FAM237A: variants seen among roughly 807,000 people sequenced by gnomAD.
FAM237A encodes protein FAM237A.
FAM237A carries 14 observed loss-of-function variants against 12.5 expected under a neutral mutation model. The observed-to-expected ratio is 1.12, with a 90% CI of 0.74 to 1.75. The LOEUF (loss-of-function observed/expected upper bound fraction) is 1.75. Ranked by LOEUF, FAM237A falls within the 40% of genes most tolerant of loss-of-function variation. The pLI is 0.00. For missense variants in FAM237A, 240 were observed against 211.7 expected, an observed-to-expected ratio of 1.13 and a Z score of -0.83; for synonymous variants, 85 against 77.5, an observed-to-expected ratio of 1.10 and a Z score of -0.51.
chr2:206,643,821 T>C lies in FAM237A; in HGVS notation c.-10-406T>C, dbSNP rs538520685. ...AAATATATTTAAATTCTTAATTATA[T>C]ATAAGTCCTAGATTAGGAGAGCCAG... On this transcript the variant is annotated intron_variant, in intron 1 of 2. Coordinates refer to ENST00000441223, the MANE Select transcript of FAM237A (RefSeq NM_001102659.3). Among the ~76,000 whole-genome samples, 7 of 152,328 alleles carry C rather than the reference T, an allele frequency of 4.6e-5. No individual in the cohort carries two copies. In the East Asian group the frequency reaches 1.3e-3, roughly 29 times the overall value.
chr2:206,648,564 G>A, intron 2 of FAM237A, 97 bp from the exon 3 acceptor site: 1 of 1,259,632 alleles, frequency 7.9e-7, no homozygotes, highest in Non-Finnish European at 1.1e-6. Context: ...TGGAGTGGCA[G>A]AAACATCAAA....
At chr2:206,647,162 G>A (rs559823270) in intron 2 of FAM237A, among the ~76,000 whole-genome samples, 20 of 152,188 alleles carry the variant, frequency 1.3e-4, no homozygotes, top group East Asian at 7.7e-4. Flanking sequence ...AAATAACTGC[G>A]TAACCGTGAG....
rs1352974976 is a variant in FAM237A, at chr2:206,644,325, C to G, written c.89C>G (p.Pro30Arg). The change falls in exon 2 of 3, where the codon CCT becomes CGT. Residue 30 changes from proline to arginine, a missense_variant. By Grantham distance (103) the Pro-to-Arg change is moderately radical. Coordinates refer to ENST00000441223, the MANE Select transcript of FAM237A (RefSeq NM_001102659.3). ...LLIVGMCCVSPFFCHSQTDLL... is the reference protein window; with the variant it reads ...LLIVGMCCVSRFFCHSQTDLL... ...ATTGTGGGAATGTGCTGTGTATCTC[C>G]TTTCTTCTGCCATAGCCAGACAGAC... 4 of 1,613,440 alleles carry G rather than the reference C, an allele frequency of 2.5e-6. No homozygotes were observed. The highest frequency in any genetic ancestry group is 3.4e-6 in the Non-Finnish European group (4 of 1,179,668).
intron 2 of FAM237A, among the ~76,000 whole-genome samples, chr2:206,647,815 C>A (rs765903123): frequency 6.6e-6 from 1 of 152,100 alleles, no homozygotes; most frequent in Non-Finnish European, 1.5e-5. Flanking sequence ...ATGGTGGCCT[C>A]CTCCTTCAAC....
At chr2:206,648,423 T>C (rs1365825502) in intron 2 of FAM237A, among the ~76,000 whole-genome samples, 1 of 152,172 alleles carries the variant, frequency 6.6e-6, no homozygotes. Flanking sequence ...TGCCTATTAA[T>C]TGACAAAAAT....
chr2:206,643,338 T>G (rs1699276935), intron 1 of FAM237A: 1 of 152,222 alleles, frequency 6.6e-6, no homozygotes, highest in East Asian at 1.9e-4. Flanking sequence ...TGAAGGAATA[T>G]ATACACTTTT....
At position 206,648,951 on chromosome 2, in the gene FAM237A, ATTAT is replaced by A. The variant is rs995018764; in HGVS notation, c.*172_*175del. 2.6e-4 allele frequency: 114 copies of A among 438,528 alleles called. No individual in the cohort carries two copies. Among genetic ancestry groups the A allele is most frequent in the East Asian group, 5.8e-4 (12 of 20,584 alleles). 27.2% of individuals were successfully genotyped at this position (438,528 alleles called of 1,614,324 possible). ...GTATACTAATTTAAAGCTGCCTTCT[ATTAT>A]TTATTTATTTATTTTAGGCTGCTAG... On this transcript the variant is annotated 3_prime_UTR_variant, in exon 3 of 3. Coordinates refer to ENST00000441223, the MANE Select transcript of FAM237A (RefSeq NM_001102659.3).
Position 206,648,727 on chromosome 2 carries a change from G to A in FAM237A, c.479G>A (p.Ser160Asn). 6.3e-7 allele frequency: 1 copy of A among 1,578,158 alleles called. No homozygotes were observed. The highest frequency in any genetic ancestry group is 1.2e-5 in the South Asian group (1 of 86,178). Residue 160 changes from serine (S) to asparagine (N), a missense_variant, in exon 3 of 3, where the codon AGC (serine) becomes AAC (asparagine). Transcript: ENST00000441223. Reference protein sequence around the residue: ...KKKELIEDLISMHVRRSGSSV... With the variant: ...KKKELIEDLINMHVRRSGSSV... Reference sequence around the variant, plus strand: ...AAAGAGTTGATTGAAGATTTGATAAGCATGCATGTGCGTAGGAGTGGGTCT... The same window carrying A: ...AAAGAGTTGATTGAAGATTTGATAAACATGCATGTGCGTAGGAGTGGGTCT...
At chr2:206,645,439 T>C (rs1415707526) in intron 2 of FAM237A, among the ~76,000 whole-genome samples, 1 of 152,192 alleles carries the variant, frequency 6.6e-6, no homozygotes, top group African/African-American at 2.4e-5. Context: ...GTTATCTTTT[T>C]TTGATGTCAT....
At chr2:206,647,091 G>T (rs1699326343) in intron 2 of FAM237A, among the ~76,000 whole-genome samples, 1 of 152,078 alleles carries the variant, frequency 6.6e-6, no homozygotes, top group African/African-American at 2.4e-5. Context: ...ATGTAATTTT[G>T]CATGTTAATA....
At chr2:206,646,213 G>T (rs1321520386) in intron 2 of FAM237A, among the ~76,000 whole-genome samples, 2 of 151,848 alleles carry the variant, frequency 1.3e-5, no homozygotes, top group African/African-American at 4.8e-5. Context: ...TGAGGCAGGA[G>T]AATGGCGTGA....
intron 1 of FAM237A, 35 bp from the exon 2 acceptor site, chr2:206,644,192 C>T (rs377392724): frequency 9.2e-6 from 14 of 1,521,380 alleles, no homozygotes; most frequent in African/African-American, 4.1e-5. Flanking sequence ...AGAGCACAAG[C>T]GGGGACTGAT....
chr2:206,644,932 C>G (rs1249276862), intron 2 of FAM237A, among the ~76,000 whole-genome samples: 1 of 152,170 alleles, frequency 6.6e-6, no homozygotes, highest in African/African-American at 2.4e-5. Context: ...TCCCAAAATA[C>G]AGCATAAAAG....
At chr2:206,647,060 T>C (rs1330885211) in intron 2 of FAM237A, among the ~76,000 whole-genome samples, 1 of 152,256 alleles carries the variant, frequency 6.6e-6, no homozygotes, top group Non-Finnish European at 1.5e-5. Flanking sequence ...AATCATACTT[T>C]GTTAAAAACA....
rs1300448796 is a variant in FAM237A, at chr2:206,642,537, A to G, written c.-56A>G. The G allele has an allele frequency of 6.5e-6, 1 of 153,166 alleles. No homozygotes were observed. Among genetic ancestry groups the G allele is most frequent in the Non-Finnish European group, 1.5e-5 (1 of 68,862 alleles). The allele number at this position is 153,166 out of a possible 1,614,324, so 9.5% of individuals were successfully genotyped here. A position where few individuals can be genotyped will look rare whatever the true frequency, so the allele number is the denominator to read the frequency against. ...GAAGGGGCCAGGCGGGTGAGTGCGGAGGGAAGCCCTTGTGCCATCTGGGAG... is the reference window on the plus strand; with the variant it reads ...GAAGGGGCCAGGCGGGTGAGTGCGGGGGGAAGCCCTTGTGCCATCTGGGAG... On this transcript the variant is annotated 5_prime_UTR_variant, in exon 1 of 3. Transcript: ENST00000441223. The surrounding 1 kb of genome is among the most constrained non-coding windows in gnomAD (Gnocchi z 5.1).
chr2:206,646,099 G>A lies in FAM237A; in HGVS notation c.412+1451G>A, dbSNP rs112199479. Among the ~76,000 whole-genome samples the A allele has an allele frequency of 1.4e-4, 21 of 152,134 alleles. 2 individuals are homozygous for A. Among genetic ancestry groups the A allele is most frequent in the African/African-American group, 4.3e-4 (18 of 41,514 alleles). ...AGGCGGAACACGAGGTGAGGAGATC[G>A]AGACCATCCTGGCTAACACGGTGAA... On this transcript the variant is annotated intron_variant, in intron 2 of 2. Transcript: ENST00000441223.
chr2:206,649,312 G>T lies in FAM237A; in HGVS notation c.*518G>T, dbSNP rs1361763093. Among the ~76,000 whole-genome samples, 1 of 152,004 alleles carries T rather than the reference G, an allele frequency of 6.6e-6. No individual in the cohort carries two copies. Among genetic ancestry groups the T allele is most frequent in the Non-Finnish European group, 1.5e-5 (1 of 67,964 alleles). ...AAAAGTAAAACAAAACAAAAAACTG[G>T]CAAATAAAGCATTCTTCTAATGAAA... On this transcript the variant is annotated 3_prime_UTR_variant, in exon 3 of 3. Coordinates refer to ENST00000441223, the MANE Select transcript of FAM237A (RefSeq NM_001102659.3).
intron 1 of FAM237A, 81 bp from the exon 2 acceptor site, chr2:206,644,146 A>G: frequency 1.6e-6 from 2 of 1,252,180 alleles, no homozygotes; most frequent in Non-Finnish European, 2.1e-6. Flanking sequence ...GCTGGAAGTA[A>G]GGTTATTAAG....
intron 2 of FAM237A, among the ~76,000 whole-genome samples, chr2:206,648,320 T>A (rs1699342594): frequency 2.0e-5 from 3 of 152,248 alleles, no homozygotes; most frequent in Admixed American, 2.0e-4. Context: ...TCTAGGAGGT[T>A]ACATTTTGAG....
Sources: gnomAD v4.1 joint callset for allele counts (sites outside exome capture counted in the v4.1 genomes callset) on GRCh38, gnomAD v4.1.1 for gene constraint, Gnocchi (gnomAD v3.1) non-coding constraint, MANE v1.5 for transcripts, NCBI Gene and HGNC (gene_info 2026-07-23, HGNC 2026-07-21) for gene names.